Variants in MCM9 observed in about 807,000 individuals in gnomAD.
MCM9 encodes DNA helicase MCM9.
MCM9 carries 55 observed loss-of-function variants against 72.8 expected under a neutral mutation model. That is an observed-to-expected ratio of 0.76 (90% CI 0.61 to 0.95). The LOEUF (loss-of-function observed/expected upper bound fraction) is 0.95. MCM9 is among the 40% of genes least tolerant of loss of function. The pLI is 0.00. For missense variants in MCM9, 1,279 were observed against 1,377.0 expected (o/e 0.93, Z 1.13); for synonymous variants, 480 against 503.4 (o/e 0.95, Z 0.62).
chr6:118,900,745 G>C (rs1486892132), intron 8 of MCM9: 1 of 1,484,272 alleles, frequency 6.7e-7, no homozygotes, highest in Non-Finnish European at 9.4e-7. Flanking sequence ...ATGAAATAAT[G>C]CTTTGGTTTT....
chr6:118,896,243 AT>A (rs1156673364), intron 8 of MCM9, among the ~76,000 whole-genome samples: 1 of 152,024 alleles, frequency 6.6e-6, no homozygotes, highest in Non-Finnish European at 1.5e-5. Context: ...TACCAGGCCC[AT>A]TTTTCACACC....
At chr6:118,830,466 T>C (rs1774466493) in intron 9 of MCM9, among the ~76,000 whole-genome samples, 1 of 152,156 alleles carries the variant, frequency 6.6e-6, no homozygotes, top group Admixed American at 6.6e-5. Context: ...TTTAAAAAAT[T>C]AGTGACAAGG....
intron 8 of MCM9, among the ~76,000 whole-genome samples, chr6:118,888,495 A>G (rs1488348069): frequency 6.6e-6 from 1 of 152,158 alleles, no homozygotes. Flanking sequence ...CAAAACAAAC[A>G]GACAAACAAA....
At chr6:118,913,256 T>C in intron 7 of MCM9, 39 bp downstream of exon 7, 2 of 1,605,426 alleles carry the variant, frequency 1.2e-6, no homozygotes, top group South Asian at 1.1e-5. Context: ...CTTCCATCCA[T>C]GTGTCAATAT....
chr6:118,835,613 T>C (rs1427553055), intron 9 of MCM9, among the ~76,000 whole-genome samples: 1 of 152,222 alleles, frequency 6.6e-6, no homozygotes, highest in Non-Finnish European at 1.5e-5. Context: ...TTTGTAGCAA[T>C]TGTGAATGGG....
At chr6:118,914,192 C>T (rs922344120) in intron 6 of MCM9, among the ~76,000 whole-genome samples, 2 of 152,184 alleles carry the variant, frequency 1.3e-5, no homozygotes, top group African/African-American at 2.4e-5. Context: ...CACACCACAA[C>T]CCTAGCAGTG....
chr6:118,847,569 T>TAA (rs1456317328), intron 9 of MCM9, among the ~76,000 whole-genome samples: 4 of 151,076 alleles, frequency 2.6e-5, no homozygotes, highest in South Asian at 2.1e-4. Context: ...CTAAGAAGTT[T>TAA]AAGAAAAAAA....
chr6:118,823,355 C>T (rs567751242), intron 13 of MCM9, among the ~76,000 whole-genome samples: 8 of 152,274 alleles, frequency 5.3e-5, no homozygotes, highest in South Asian at 2.1e-4. Flanking sequence ...GGAAGTCCTC[C>T]GGGTCCTTGT....
chr6:118,892,269 T>C (rs1446679124), intron 8 of MCM9, among the ~76,000 whole-genome samples: 2 of 152,248 alleles, frequency 1.3e-5, no homozygotes, highest in Non-Finnish European at 1.5e-5. Context: ...GGGAGTTTTT[T>C]CTTCTTAAAT....
chr6:118,847,001 GA>G (rs1775915533), intron 9 of MCM9, among the ~76,000 whole-genome samples: 1 of 151,748 alleles, frequency 6.6e-6, no homozygotes, highest in Non-Finnish European at 1.5e-5. Flanking sequence ...GCCCTGACTT[GA>G]ATATCCTTAA....
chr6:118,843,718 A>ATG (rs1231658546), intron 9 of MCM9, among the ~76,000 whole-genome samples: 2,124 of 74,942 alleles, frequency 0.028, 61 homozygotes, highest in African/African-American at 0.057. Flanking sequence ...GTATATATAT[A>ATG]TGTATATATA....
rs142301447 is a variant in MCM9, at chr6:118,825,520, A to G, written c.1961+627T>C. ...TTCACCAGACCCCGGCTTTGAGACC[A>G]ACACCAGTAAGAGCTGCAGGTCAAT... On this transcript the variant is annotated intron_variant, in intron 13 of 13. Coordinates refer to ENST00000619706, the MANE Select transcript of MCM9 (RefSeq NM_017696.3). 6.6e-5 allele frequency among the ~76,000 whole-genome samples: 10 copies of G among 152,280 alleles called. No individual in the cohort carries two copies. In the East Asian group the frequency reaches 1.9e-3, roughly 29 times the overall value.
At chr6:118,859,765 T>TA (rs1178940981) in intron 8 of MCM9, among the ~76,000 whole-genome samples, 1 of 152,104 alleles carries the variant, frequency 6.6e-6, no homozygotes, top group Non-Finnish European at 1.5e-5. Context: ...CATTTAGAAA[T>TA]ACGCCAGAAC....
chr6:118,910,428 AAGG>A (rs1017400749), intron 8 of MCM9, among the ~76,000 whole-genome samples: 6 of 152,180 alleles, frequency 3.9e-5, no homozygotes, highest in African/African-American at 1.4e-4. Context: ...TTGCATTAAA[AAGG>A]AGGAAATGTG....
At chr6:118,876,134 A>G (rs1334957571) in intron 8 of MCM9, among the ~76,000 whole-genome samples, 4 of 152,260 alleles carry the variant, frequency 2.6e-5, no homozygotes, top group Non-Finnish European at 4.4e-5. Context: ...ATCTGAAAAT[A>G]CTACATACTG....
At position 118,815,058 on chromosome 6, in the gene MCM9, T is replaced by C. The variant is rs992829451; in HGVS notation, c.3198A>G (p.Pro1066=). 7.1e-6 allele frequency: 11 copies of C among 1,550,454 alleles called. No individual in the cohort carries two copies. The highest frequency in any genetic ancestry group is 2.4e-5 in the East Asian group (1 of 40,900). Residue 1066 remains proline (P), a synonymous_variant, in exon 14 of 14, where the codon CCA becomes CCG. Coordinates refer to ENST00000619706, the MANE Select transcript of MCM9 (RefSeq NM_017696.3). ...ARLANFCFTP[P]SESKSKSPPP... is the part of the protein sequence containing the mutation. ...GAGGGGATTTTGATTTGGATTCCGA[T>C]GGGGGAGTAAAGCAGAAGTTTGCCA...
chr6:118,828,304 T>TA (rs1439548340), intron 10 of MCM9, among the ~76,000 whole-genome samples, 174 bp from the exon 11 acceptor site: 2 of 152,224 alleles, frequency 1.3e-5, no homozygotes, highest in Non-Finnish European at 2.9e-5. Flanking sequence ...GATCTAAGCT[T>TA]AATAAAGGTA....
intron 13 of MCM9, among the ~76,000 whole-genome samples, chr6:118,824,666 AT>A (rs1774050420): frequency 6.6e-6 from 1 of 152,148 alleles, no homozygotes; most frequent in African/African-American, 2.4e-5. Context: ...AGTATAAAGC[AT>A]TTTCTGGAAG....
chr6:118,915,514 C>T (rs1234919082), intron 6 of MCM9, among the ~76,000 whole-genome samples: 1 of 152,184 alleles, frequency 6.6e-6, no homozygotes, highest in Non-Finnish European at 1.5e-5. Flanking sequence ...CAGGTGACAG[C>T]AGATCAGAAT....
Sources: allele counts gnomAD v4.1 joint callset (sites outside exome capture counted in the v4.1 genomes callset), GRCh38; gene constraint gnomAD v4.1.1; transcripts MANE v1.5; gene names NCBI Gene and HGNC (gene_info 2026-07-23, HGNC 2026-07-21).